The following NELL2 variants were observed in gnomAD, a reference collection of about 807,000 sequenced individuals.
NELL2 encodes protein kinase C-binding protein NELL2.
A neutral mutation model predicts 109.6 loss-of-function variants in NELL2; 41 were observed. That is an observed-to-expected ratio of 0.37 (90% CI 0.29 to 0.49). The LOEUF is 0.49. NELL2 is among the 20% of genes least tolerant of loss of function. NELL2 has a pLI of 0.98. For missense variants in NELL2, 900 were observed against 1,008.3 expected (o/e 0.89, Z 1.45); for synonymous variants, 355 against 344.7 (o/e 1.03, Z -0.33).
At chr12:44,792,879 C>A (rs1220150609) in intron 3 of NELL2, among the ~76,000 whole-genome samples, 1 of 152,188 alleles carries the variant, frequency 6.6e-6, no homozygotes, top group Non-Finnish European at 1.5e-5. Context: ...ATCTAAAAAT[C>A]TGTCCTACTC....
intron 12 of NELL2, among the ~76,000 whole-genome samples, chr12:44,675,536 T>C (rs1207192469): frequency 1.3e-5 from 2 of 152,160 alleles, no homozygotes; most frequent in East Asian, 3.8e-4. Flanking sequence ...TTCCCTTTTA[T>C]CCTATTTGAA....
At chr12:44,770,880 AAT>A (rs1941520084) in intron 9 of NELL2, among the ~76,000 whole-genome samples, 1 of 152,216 alleles carries the variant, frequency 6.6e-6, no homozygotes, top group Non-Finnish European at 1.5e-5. Context: ...ATCTACAATC[AAT>A]ATAAATAAAT....
chr12:44,880,114 T>TACACACACACAC (rs747220208), upstream of NELL2, among the ~76,000 whole-genome samples: 2 of 137,132 alleles, frequency 1.5e-5, no homozygotes, highest in African/African-American at 5.3e-5. Context: ...TCAAGAAACA[T>TACACACACACAC]ACACACACAC....
At chr12:44,509,251 T>C (rs1435126801) in intron 19 of NELL2, among the ~76,000 whole-genome samples, 1 of 152,204 alleles carries the variant, frequency 6.6e-6, no homozygotes, top group Non-Finnish European at 1.5e-5. Flanking sequence ...TTGCAAAATA[T>C]GTACTAAGTC....
At chr12:44,661,065 G>A (rs1431062603) in intron 13 of NELL2, among the ~76,000 whole-genome samples, 1 of 152,170 alleles carries the variant, frequency 6.6e-6, no homozygotes, top group Non-Finnish European at 1.5e-5. Context: ...TGTGCATTAA[G>A]AGACAAAATG....
chr12:44,669,408 C>A (rs767397577), intron 12 of NELL2, among the ~76,000 whole-genome samples: 3 of 151,976 alleles, frequency 2.0e-5, no homozygotes, highest in Non-Finnish European at 4.4e-5. Flanking sequence ...TAAAGGAAAT[C>A]TATAAAATGT....
chr12:44,613,399 A>T (rs2136256846), intron 13 of NELL2, among the ~76,000 whole-genome samples: 1 of 152,274 alleles, frequency 6.6e-6, no homozygotes, highest in Middle Eastern at 3.4e-3. Flanking sequence ...AGATGGGGCA[A>T]GATAGGAACT....
intron 9 of NELL2, among the ~76,000 whole-genome samples, chr12:44,773,760 G>A (rs1941642298): frequency 6.6e-6 from 1 of 152,130 alleles, no homozygotes; most frequent in African/African-American, 2.4e-5. Flanking sequence ...CTTATGAGAC[G>A]GACTGGCTTC....
At chr12:44,763,273 A>G (rs1941197883) in intron 9 of NELL2, among the ~76,000 whole-genome samples, 1 of 152,212 alleles carries the variant, frequency 6.6e-6, no homozygotes, top group South Asian at 2.1e-4. Context: ...GAGGTAGACT[A>G]CAAGCATGAA....
At chr12:44,905,304 A>G (rs1225893810) in intron 1 of NELL2, among the ~76,000 whole-genome samples, 1 of 151,584 alleles carries the variant, frequency 6.6e-6, no homozygotes, top group African/African-American at 2.4e-5. Context: ...GCATTTTCTC[A>G]TTATCTATAT....
At chr12:44,598,345 A>G (rs1453638951) in intron 15 of NELL2, among the ~76,000 whole-genome samples, 1 of 152,012 alleles carries the variant, frequency 6.6e-6, no homozygotes, top group Non-Finnish European at 1.5e-5. Flanking sequence ...AGAAGTACAG[A>G]CTCTGGGAGC....
At position 44,617,537 on chromosome 12, in the gene NELL2, A is replaced by C. The variant is rs1217860474; in HGVS notation, c.1445-6567T>G. On this transcript the variant is annotated intron_variant, in intron 13 of 19. Coordinates refer to ENST00000429094, the MANE Select transcript of NELL2 (RefSeq NM_001145108.2). ...CCCGTCTCTACTAAAAACACACACA[A>C]AAAAATTAGCCGGGCGTAGTGGCGG... Among the ~76,000 whole-genome samples, 9 of 135,142 alleles carry C rather than the reference A, an allele frequency of 6.7e-5. 1 individual carries two copies. Among genetic ancestry groups the C allele is most frequent in the Admixed American group, 1.4e-4 (2 of 14,156 alleles). 88.7% of individuals were successfully genotyped at this position (135,142 alleles called of 152,430 possible). A position where few individuals can be genotyped will look rare whatever the true frequency, so the allele number is the denominator to read the frequency against.
chr12:44,774,407 T>C (rs1326073211), intron 9 of NELL2, among the ~76,000 whole-genome samples: 3 of 152,198 alleles, frequency 2.0e-5, no homozygotes, highest in African/African-American at 4.8e-5. Context: ...TCTTTGGTTA[T>C]TGCAGCCGTG....
chr12:44,702,008 C>T (rs1847270775), intron 12 of NELL2, among the ~76,000 whole-genome samples: 1 of 152,116 alleles, frequency 6.6e-6, no homozygotes, highest in Non-Finnish European at 1.5e-5. Context: ...ATTCTAAGCT[C>T]ATTCCCACTT....
chr12:44,870,076 G>A (rs2703049), intron 2 of NELL2, among the ~76,000 whole-genome samples: 7,578 of 152,140 alleles, frequency 0.05, 363 homozygotes, highest in East Asian at 0.18. Context: ...CTGCCACTGT[G>A]TAAGAAGGGT....
chr12:44,631,909 A>G (rs74081519), intron 13 of NELL2, among the ~76,000 whole-genome samples: 13,606 of 152,008 alleles, frequency 0.09, 1,980 homozygotes, highest in African/African-American at 0.31. Flanking sequence ...TTATGAGTAT[A>G]TGCAAAACTT....
chr12:44,567,067 C>G (rs955836120), intron 15 of NELL2, among the ~76,000 whole-genome samples: 2 of 152,150 alleles, frequency 1.3e-5, no homozygotes, highest in Non-Finnish European at 2.9e-5. Context: ...GCCTTGGCAT[C>G]CCAAAATGCT....
chr12:44,631,954 A>G (rs1946472713), intron 13 of NELL2, among the ~76,000 whole-genome samples: 1 of 152,128 alleles, frequency 6.6e-6, no homozygotes, highest in African/African-American at 2.4e-5. Context: ...ATTTAACGGT[A>G]TATAAAAAGG....
intron 9 of NELL2, among the ~76,000 whole-genome samples, chr12:44,748,879 A>G (rs537760835): frequency 6.6e-6 from 1 of 152,218 alleles, no homozygotes; most frequent in East Asian, 1.9e-4. Flanking sequence ...GAAGAGACCA[A>G]GAAAAAGCAA....
Sources: allele counts gnomAD v4.1 joint callset (sites outside exome capture counted in the v4.1 genomes callset), GRCh38; gene constraint gnomAD v4.1.1; transcripts MANE v1.5; gene names NCBI Gene and HGNC (gene_info 2026-07-23, HGNC 2026-07-21).